Variants in COL6A5 observed in about 807,000 individuals in gnomAD.
The protein encoded by COL6A5 is collagen alpha-5(VI) chain.
In COL6A5, 48 loss-of-function variants were observed where a neutral mutation model predicts 65.6. That is an observed-to-expected ratio of 0.73 (90% confidence interval 0.58 to 0.93). COL6A5 has a LOEUF of 0.93. Among genes scored for constraint, COL6A5 ranks in the 40% least tolerant of loss-of-function variants. The pLI is 0.00. For synonymous variants in COL6A5, 291 were observed against 322.8 expected, an observed-to-expected ratio of 0.90 and a Z score of 1.05; for missense variants, 914 against 928.3, an observed-to-expected ratio of 0.98 and a Z score of 0.20.
At chr3:130,440,631 A>C in exon 3 of COL6A5, 1 of 1,613,412 alleles carries the variant, frequency 6.2e-7, no homozygotes, top group Non-Finnish European at 8.5e-7. Flanking sequence ...GAATTTGTAA[A>C]AATGATGGCT....
intron 1 of COL6A5, among the ~76,000 whole-genome samples, chr3:130,362,306 ATATATATATATATATATATATT>A (rs1935148470): frequency 1.5e-4 from 3 of 19,574 alleles, no homozygotes; most frequent in Admixed American, 5.6e-4. Flanking sequence ...ATATATATAT[ATATATATATATATATATATATT>A]TTTTTTTTTT....
At chr3:130,413,457 C>G in intron 20 of COL6A5, 88 bp from the exon 21 acceptor site, 3 of 1,219,208 alleles carry the variant, frequency 2.5e-6, no homozygotes, top group Non-Finnish European at 3.6e-6. Flanking sequence ...TTACTTATGT[C>G]TAGCAGAGAA....
At chr3:130,400,439 T>G (rs1341523326) in intron 10 of COL6A5, among the ~76,000 whole-genome samples, 1 of 152,204 alleles carries the variant, frequency 6.6e-6, no homozygotes, top group African/African-American at 2.4e-5. Context: ...ATTTAAAAAT[T>G]TGTTTAGTGA....
chr3:130,380,101 C>T, intron 4 of COL6A5, 51 bp downstream of exon 4: 1 of 1,295,056 alleles, frequency 7.7e-7, no homozygotes, highest in East Asian at 2.5e-5. Flanking sequence ...TAAGTGGTTA[C>T]CTAGGACTAG....
intron 5 of COL6A5, among the ~76,000 whole-genome samples, chr3:130,387,502 A>G (rs1212540087): frequency 6.6e-6 from 1 of 152,138 alleles, no homozygotes; most frequent in Non-Finnish European, 1.5e-5. Flanking sequence ...TGTCAAGGCC[A>G]CAAACATCTT....
chr3:130,478,959 A>G (rs1710165652), intron 7 of COL6A5, among the ~76,000 whole-genome samples: 1 of 152,026 alleles, frequency 6.6e-6, no homozygotes, highest in Non-Finnish European at 1.5e-5. Context: ...ACTATTGTGA[A>G]AGGGTGTATA....
At chr3:130,362,252 T>TTCTCTCTCTCTCTCTCTCTCTCTCTC (rs373519002) in intron 1 of COL6A5, among the ~76,000 whole-genome samples, 43 of 114,350 alleles carry the variant, frequency 3.8e-4, no homozygotes, top group African/African-American at 1.1e-3. Flanking sequence ...TAAGGTTTCT[T>TTCTCTCTCTCTCTCTCTCTCTCTCTC]TCTCTCTCTC....
chr3:130,484,707 A>AT (rs11369362), exon 8 of COL6A5: 382,987 of 398,894 alleles, frequency 0.96, 184,301 homozygotes, highest in Non-Finnish European at 0.99. Context: ...AAATTTTAGC[A>AT]GCTTTGCTTT....
At chr3:130,355,134 G>T (rs76860737) in intron 1 of COL6A5, among the ~76,000 whole-genome samples, 3,120 of 152,012 alleles carry the variant, frequency 0.021, 49 homozygotes, top group East Asian at 0.09. Flanking sequence ...CAATAGTGCT[G>T]ATGTGGGTTG....
intron 5 of COL6A5, among the ~76,000 whole-genome samples, chr3:130,456,522 C>T (rs540950561): frequency 6.6e-6 from 1 of 152,082 alleles, no homozygotes; most frequent in African/African-American, 2.4e-5. Flanking sequence ...TGAGGTACCC[C>T]GTTCTCCATG....
intron 6 of COL6A5, among the ~76,000 whole-genome samples, chr3:130,469,972 G>A (rs968244196): frequency 6.6e-6 from 1 of 151,948 alleles, no homozygotes; most frequent in African/African-American, 2.4e-5. Flanking sequence ...TAAACCCTTA[G>A]CAAGGTGTAA....
chr3:130,415,093 G>A (rs1404725852), intron 22 of COL6A5, among the ~76,000 whole-genome samples: 1 of 152,114 alleles, frequency 6.6e-6, no homozygotes, highest in Middle Eastern at 3.2e-3. Context: ...CCCAGGGCCA[G>A]TTCACAGCTG....
chr3:130,370,349 C>T (rs566532530), intron 1 of COL6A5, among the ~76,000 whole-genome samples: 2 of 152,252 alleles, frequency 1.3e-5, no homozygotes, highest in Non-Finnish European at 2.9e-5. Flanking sequence ...ACAAAAGAGA[C>T]AGGTTGAGCC....
exon 8 of COL6A5, chr3:130,395,323 A>C: frequency 1.3e-6 from 2 of 1,551,416 alleles, no homozygotes; most frequent in Non-Finnish European, 1.7e-6. Context: ...TTTTGGGCAT[A>C]GGAGATGTTT....
chr3:130,391,700 C>T (rs183979089), exon 7 of COL6A5: 5 of 1,551,570 alleles, frequency 3.2e-6, no homozygotes, highest in East Asian at 2.4e-5. Context: ...TTTTGACAAA[C>T]TGAAAGATGT....
At chr3:130,480,491 G>A (rs189680461) in intron 7 of COL6A5, among the ~76,000 whole-genome samples, 1 of 152,108 alleles carries the variant, frequency 6.6e-6, no homozygotes, top group Non-Finnish European at 1.5e-5. Context: ...TTTAAGGAGA[G>A]AAATGAACAC....
chr3:130,366,460 G>A (rs914460162), intron 1 of COL6A5, among the ~76,000 whole-genome samples: 3 of 152,010 alleles, frequency 2.0e-5, no homozygotes, highest in South Asian at 2.1e-4. Context: ...GTTCCCAGAC[G>A]GCCTGTACTC....
chr3:130,369,614 T>C (rs1203050388), intron 1 of COL6A5, among the ~76,000 whole-genome samples: 1 of 152,228 alleles, frequency 6.6e-6, no homozygotes, highest in Admixed American at 6.5e-5. Context: ...CAGTTTCTCA[T>C]TCAGAATGAG....
At chr3:130,393,640 G>A (rs1168721814) in intron 7 of COL6A5, among the ~76,000 whole-genome samples, 1 of 151,640 alleles carries the variant, frequency 6.6e-6, no homozygotes, top group Non-Finnish European at 1.5e-5. Context: ...TGTTTATTAG[G>A]GATCCACACC....
Sources: gnomAD v4.1 joint callset for allele counts (sites outside exome capture counted in the v4.1 genomes callset) on GRCh38, gnomAD v4.1.1 for gene constraint, MANE v1.5 for transcripts, NCBI Gene and HGNC (gene_info 2026-07-23, HGNC 2026-07-21) for gene names.